The following THSD4 variants were observed in gnomAD, a reference collection of about 807,000 sequenced individuals.
THSD4 encodes thrombospondin type-1 domain-containing protein 4.
In THSD4, 69 loss-of-function variants were observed where a neutral mutation model predicts 119.0. The ratio of observed to expected loss-of-function variants is 0.58; its 90% CI spans 0.48 to 0.71. THSD4 has a LOEUF of 0.71. Among genes scored for constraint, THSD4 ranks in the 30% least tolerant of loss-of-function variants. The pLI is 0.00. For synonymous variants in THSD4, 524 were observed against 540.4 expected, an observed-to-expected ratio of 0.97 and a Z score of 0.42; for missense variants, 1,393 against 1,391.1, an observed-to-expected ratio of 1.00 and a Z score of -0.02.
intron 7 of THSD4, among the ~76,000 whole-genome samples, chr15:71,437,671 G>A (rs4471634): frequency 0.96 from 146,036 of 152,254 alleles, 70,186 homozygotes; most frequent in East Asian, 1. Context: ...CAGCACTGCA[G>A]TTAATATACT....
At chr15:71,602,340 G>A (rs2050025929) in intron 7 of THSD4, among the ~76,000 whole-genome samples, 1 of 151,868 alleles carries the variant, frequency 6.6e-6, no homozygotes, top group African/African-American at 2.4e-5. Flanking sequence ...GATCACCTGA[G>A]GTCGGGAGTT....
chr15:71,562,659 CCACCTCTTCCAGAA>C (rs1445778065), intron 7 of THSD4, among the ~76,000 whole-genome samples: 5 of 151,528 alleles, frequency 3.3e-5, no homozygotes, highest in African/African-American at 9.7e-5. Flanking sequence ...ATTCTAAGTC[CCACCTCTTCCAGAA>C]CACCTAAGCC....
Position 71,137,227 on chromosome 15 carries a change from T to A in THSD4, c.-79-4222T>A. On this transcript the variant is annotated intron_variant, in intron 1 of 17. Transcript: ENST00000261862. Reference sequence around the variant, plus strand: ...CGCAGACAGCACGTGTGCTCAGCCCTCTCGGTGCACCCTTGCCAGACGGAT... The same window carrying A: ...CGCAGACAGCACGTGTGCTCAGCCCACTCGGTGCACCCTTGCCAGACGGAT... Among the ~76,000 whole-genome samples, 2 of 152,074 alleles carry A rather than the reference T, an allele frequency of 1.3e-5. 1 individual carries two copies.
chr15:71,144,422 A>T (rs546037654), intron 2 of THSD4, among the ~76,000 whole-genome samples: 1 of 152,350 alleles, frequency 6.6e-6, no homozygotes, highest in East Asian at 1.9e-4. Flanking sequence ...TGAGAAGCAC[A>T]CACAGACGCA....
intron 6 of THSD4, among the ~76,000 whole-genome samples, chr15:71,379,821 TA>T (rs998649336): frequency 2.6e-5 from 4 of 151,434 alleles, no homozygotes; most frequent in East Asian, 1.9e-4. Context: ...TGTTGTTGTT[TA>T]AAAAAAAACT....
chr15:71,674,298 T>C (rs536139582), intron 8 of THSD4, among the ~76,000 whole-genome samples: 1 of 152,318 alleles, frequency 6.6e-6, no homozygotes, highest in Admixed American at 6.5e-5. Context: ...TGCAGAGCTC[T>C]TATTTCCAGC....
intron 7 of THSD4, among the ~76,000 whole-genome samples, chr15:71,548,314 A>G (rs773961586): frequency 1.1e-4 from 17 of 152,202 alleles, no homozygotes; most frequent in Admixed American, 4.6e-4. Flanking sequence ...TCCTGCATCC[A>G]TCTTCGTCTT....
chr15:71,709,385 TA>T (rs1295391139), intron 8 of THSD4, among the ~76,000 whole-genome samples: 5 of 152,092 alleles, frequency 3.3e-5, no homozygotes, highest in Non-Finnish European at 5.9e-5. Flanking sequence ...TTTTATCATG[TA>T]GGTGGGGTTC....
At chr15:71,258,282 G>A (rs759717633) in intron 6 of THSD4, among the ~76,000 whole-genome samples, 2 of 152,090 alleles carry the variant, frequency 1.3e-5, no homozygotes, top group Admixed American at 1.3e-4. Flanking sequence ...AGGTTCAAGC[G>A]ATTCTCCTGC....
chr15:71,531,954 C>T (rs945074366), intron 7 of THSD4, among the ~76,000 whole-genome samples: 2 of 152,156 alleles, frequency 1.3e-5, no homozygotes, highest in African/African-American at 4.8e-5. Context: ...CTCCAGCTCA[C>T]CCATAACCCC....
chr15:71,703,390 T>C (rs2052330816), intron 8 of THSD4, among the ~76,000 whole-genome samples: 1 of 152,232 alleles, frequency 6.6e-6, no homozygotes, highest in Admixed American at 6.5e-5. Context: ...TTATTTTAAT[T>C]TGTGTTAGAT....
chr15:71,527,584 A>G (rs145848366), intron 7 of THSD4, among the ~76,000 whole-genome samples: 3 of 152,228 alleles, frequency 2.0e-5, no homozygotes, highest in Non-Finnish European at 2.9e-5. Context: ...TTAGGTTCTG[A>G]CACACATACA....
intron 10 of THSD4, chr15:71,733,575 A>G (rs2053023234): frequency 6.6e-6 from 1 of 152,176 alleles, no homozygotes; most frequent in Admixed American, 6.5e-5. Flanking sequence ...TTTGCATGTC[A>G]TATTTTAAAC....
At chr15:71,603,813 G>A (rs2050058505) in intron 7 of THSD4, among the ~76,000 whole-genome samples, 1 of 152,198 alleles carries the variant, frequency 6.6e-6, no homozygotes, top group Non-Finnish European at 1.5e-5. Flanking sequence ...TTATTGGAAG[G>A]TTCTTCTGGC....
At chr15:71,256,230 T>C (rs752912458) in intron 5 of THSD4, among the ~76,000 whole-genome samples, 2 of 152,112 alleles carry the variant, frequency 1.3e-5, no homozygotes, top group Non-Finnish European at 1.5e-5. Context: ...ATCCCAGCAC[T>C]TTGGGAGGCT....
chr15:71,200,352 A>G (rs2043793188), intron 3 of THSD4, among the ~76,000 whole-genome samples: 1 of 152,048 alleles, frequency 6.6e-6, no homozygotes, highest in African/African-American at 2.4e-5. Context: ...CACTGGTGGT[A>G]TGGCTCAGCG....
intron 6 of THSD4, among the ~76,000 whole-genome samples, chr15:71,319,911 C>A (rs549224154): frequency 6.6e-6 from 1 of 152,142 alleles, no homozygotes. Context: ...TACAGGAGTT[C>A]TCAGAGCTCT....
chr15:71,358,337 G>A (rs1478519563), intron 6 of THSD4, among the ~76,000 whole-genome samples: 1 of 152,188 alleles, frequency 6.6e-6, no homozygotes, highest in Admixed American at 6.5e-5. Context: ...AATCAGTCCA[G>A]GGACTATTTA....
intron 7 of THSD4, among the ~76,000 whole-genome samples, chr15:71,438,289 T>C (rs1294955993): frequency 1.3e-5 from 2 of 151,066 alleles, no homozygotes; most frequent in African/African-American, 4.8e-5. Context: ...AATTGCAGGG[T>C]TTATTTTTTT....
Sources: allele counts gnomAD v4.1 joint callset (sites outside exome capture counted in the v4.1 genomes callset), GRCh38; gene constraint gnomAD v4.1.1; transcripts MANE v1.5; gene names NCBI Gene and HGNC (gene_info 2026-07-23, HGNC 2026-07-21).